Variants in CNTNAP4 observed in about 807,000 individuals in gnomAD.
The protein encoded by CNTNAP4 is contactin-associated protein-like 4.
CNTNAP4 carries 98 observed loss-of-function variants against 148.4 expected under a neutral mutation model. The ratio of observed to expected loss-of-function variants is 0.66; its 90% CI spans 0.56 to 0.78. CNTNAP4 has a LOEUF of 0.78. CNTNAP4 is among the 30% of genes least tolerant of loss of function. The probability of loss-of-function intolerance (pLI) is 0.00; values close to 1 mark genes in which losing one functional copy is unlikely to be tolerated. For synonymous variants in CNTNAP4, 730 were observed against 565.1 expected, an observed-to-expected ratio of 1.29 and a Z score of -4.14; for missense variants, 1,935 against 1,565.6, an observed-to-expected ratio of 1.24 and a Z score of -3.98.
intron 9 of CNTNAP4, among the ~76,000 whole-genome samples, chr16:76,465,179 C>T (rs925360792): frequency 2.0e-5 from 3 of 152,322 alleles, no homozygotes; most frequent in African/African-American, 7.2e-5. Flanking sequence ...TGCTGACTGC[C>T]TCCAGTAATG....
chr16:76,326,053 A>G (rs1346726620), intron 2 of CNTNAP4, among the ~76,000 whole-genome samples: 3 of 152,352 alleles, frequency 2.0e-5, no homozygotes, highest in Admixed American at 1.3e-4. Flanking sequence ...TTTAAGGAAG[A>G]TATGACTGTA....
At chr16:76,550,485 T>G (rs761978746) in intron 21 of CNTNAP4, among the ~76,000 whole-genome samples, 2 of 152,130 alleles carry the variant, frequency 1.3e-5, no homozygotes, top group Admixed American at 1.3e-4. Flanking sequence ...TCATATCAGA[T>G]TATTACCAGA....
At chr16:76,333,779 G>GTT (rs549878036) in intron 2 of CNTNAP4, among the ~76,000 whole-genome samples, 922 of 45,456 alleles carry the variant, frequency 0.02, 4 homozygotes, top group Non-Finnish European at 0.03. Context: ...TGGGTTATAG[G>GTT]TTTTTTTTTT....
chr16:76,318,794 T>C (rs1187736697), intron 2 of CNTNAP4, among the ~76,000 whole-genome samples: 1 of 149,628 alleles, frequency 6.7e-6, no homozygotes, highest in Non-Finnish European at 1.5e-5. Context: ...AATTAATAAT[T>C]ATGAGAAATT....
intron 3 of CNTNAP4, among the ~76,000 whole-genome samples, chr16:76,408,813 G>C (rs541575665): frequency 1.2e-3 from 183 of 151,936 alleles, no homozygotes; most frequent in Non-Finnish European, 1.3e-3. Flanking sequence ...TCTTAGTAAG[G>C]ACTATTGATT....
At chr16:76,541,689 A>C (rs1391896657) in intron 21 of CNTNAP4, among the ~76,000 whole-genome samples, 1 of 152,174 alleles carries the variant, frequency 6.6e-6, no homozygotes, top group Admixed American at 6.5e-5. Flanking sequence ...GTTTGATTAA[A>C]CCCATAGGTG....
chr16:76,452,243 A>T (rs572510731), intron 7 of CNTNAP4, among the ~76,000 whole-genome samples: 1 of 152,238 alleles, frequency 6.6e-6, no homozygotes, highest in African/African-American at 2.4e-5. Context: ...CCAAGACCAA[A>T]TGTTTTATTC....
At chr16:76,309,855 A>G (rs914726851) in intron 1 of CNTNAP4, 12 of 700,418 alleles carry the variant, frequency 1.7e-5, no homozygotes, top group Non-Finnish European at 3.1e-5. Flanking sequence ...CTGCTTCCTC[A>G]TTTTCTCTTG....
chr16:76,538,093 A>T (rs953948874), intron 18 of CNTNAP4, 23 bp from the exon 19 acceptor site: 54 of 1,052,116 alleles, frequency 5.1e-5, no homozygotes, highest in African/African-American at 2.7e-4. Flanking sequence ...TTTTAACAAA[A>T]ATATATATAT....
Position 76,462,046 on chromosome 16 carries a change from C to T in CNTNAP4, c.1424C>T (p.Ser475Phe). The T allele has an allele frequency of 6.2e-7, 1 of 1,613,846 alleles. No homozygotes were observed. Among genetic ancestry groups the T allele is most frequent in the African/African-American group, 1.3e-5 (1 of 75,024 alleles). ...LSVAVDGQMA[S>F]AAPLLGPEQI... ...GTGGCGGTGGACGGCCAGATGGCTT[C>T]TGCTGCTCCTCTGCTGGGGCCTGAG... The change falls in exon 9 of 24, where the codon TCT (serine) becomes TTT (phenylalanine). Residue 475 changes from serine to phenylalanine, a missense_variant. Ser to Phe is a radical substitution (Grantham distance 155). Transcript: ENST00000611870.
chr16:76,535,918 A>C, intron 18 of CNTNAP4, 134 bp downstream of exon 18: 1 of 870,942 alleles, frequency 1.1e-6, no homozygotes, highest in East Asian at 2.7e-5. Context: ...GTATCTGTTG[A>C]ATGTAAAGAA....
chr16:76,501,218 G>A (rs2082627703), intron 15 of CNTNAP4, among the ~76,000 whole-genome samples: 1 of 152,216 alleles, frequency 6.6e-6, no homozygotes, highest in South Asian at 2.1e-4. Flanking sequence ...GAAAAATTAT[G>A]TGCAAAGAGA....
chr16:76,473,076 AT>A (rs932798165), intron 10 of CNTNAP4, among the ~76,000 whole-genome samples: 4 of 152,174 alleles, frequency 2.6e-5, no homozygotes, highest in African/African-American at 9.7e-5. Flanking sequence ...TTGTTTTAAT[AT>A]TTTTAAATCT....
intron 3 of CNTNAP4, among the ~76,000 whole-genome samples, chr16:76,385,107 A>G (rs919061522): frequency 3.3e-5 from 5 of 152,248 alleles, no homozygotes; most frequent in Non-Finnish European, 5.9e-5. Context: ...GAGCATAATT[A>G]TAAATATTTA....
intron 8 of CNTNAP4, among the ~76,000 whole-genome samples, chr16:76,453,904 A>G (rs2080619356): frequency 6.6e-6 from 1 of 152,148 alleles, no homozygotes; most frequent in Admixed American, 6.5e-5. Context: ...ACAAAAAGAA[A>G]TAAATTAATG....
At chr16:76,284,761 C>T (rs1406454491) in intron 1 of CNTNAP4, among the ~76,000 whole-genome samples, 1 of 151,820 alleles carries the variant, frequency 6.6e-6, no homozygotes, top group Non-Finnish European at 1.5e-5. Flanking sequence ...ATATGCATGC[C>T]TGTATGTGTA....
At chr16:76,401,226 T>A (rs2078405001) in intron 3 of CNTNAP4, among the ~76,000 whole-genome samples, 1 of 152,194 alleles carries the variant, frequency 6.6e-6, no homozygotes, top group African/African-American at 2.4e-5. Flanking sequence ...AGCAGTGTTT[T>A]GTTACTCTCA....
intron 15 of CNTNAP4, among the ~76,000 whole-genome samples, chr16:76,512,140 A>G (rs954442854): frequency 1.3e-5 from 2 of 152,178 alleles, no homozygotes; most frequent in African/African-American, 4.8e-5. Context: ...TGTTTGGAGC[A>G]GAGTGGGCAA....
intron 8 of CNTNAP4, among the ~76,000 whole-genome samples, chr16:76,453,124 A>G (rs2080580723): frequency 6.6e-6 from 1 of 152,202 alleles, no homozygotes; most frequent in African/African-American, 2.4e-5. Flanking sequence ...TTCAATGGAA[A>G]ACTAGACTCT....
Sources: gnomAD v4.1 joint callset for allele counts (sites outside exome capture counted in the v4.1 genomes callset) on GRCh38, gnomAD v4.1.1 for gene constraint, MANE v1.5 for transcripts, NCBI Gene and HGNC (gene_info 2026-07-23, HGNC 2026-07-21) for gene names.